Variants in PGM5 observed in about 807,000 individuals in gnomAD.
PGM5 encodes phosphoglucomutase 5.
Under a neutral mutation model 59.2 loss-of-function variants are expected in PGM5, and 23 were observed. The ratio of observed to expected loss-of-function variants is 0.39; its 90% CI spans 0.28 to 0.55. The LOEUF (loss-of-function observed/expected upper bound fraction) is 0.55, where lower values mean the gene tolerates loss of function less well. Ranked by LOEUF, PGM5 falls within the 20% of genes least tolerant of loss-of-function variation. PGM5 has a pLI of 0.66. For synonymous variants in PGM5, 214 were observed against 286.0 expected (o/e 0.75, Z 2.54); for missense variants, 574 against 748.3 (o/e 0.77, Z 2.72).
chr9:68,473,438 T>G (rs1356723637), intron 7 of PGM5, among the ~76,000 whole-genome samples: 1 of 152,190 alleles, frequency 6.6e-6, no homozygotes, highest in Non-Finnish European at 1.5e-5. Context: ...GTCCATAGGC[T>G]TTGGAGCCAA....
Position 68,498,921 on chromosome 9 carries a change from G to C in PGM5, c.1480-306G>C, listed in dbSNP as rs1363447014. ...ATTTATTGAATATCATTTCATCCCT[G>C]TGACTTCCACTTCTTTCTGATTCCC... On this transcript the variant is annotated intron_variant, in intron 9 of 10. Transcript: ENST00000396396. 6 of 320,390 alleles carry C rather than the reference G, an allele frequency of 1.9e-5. No homozygotes were observed. The Admixed American group carries it at 2.7e-4, about 14-fold the overall frequency. 19.8% of individuals were successfully genotyped at this position (320,390 alleles called of 1,614,324 possible).
intron 6 of PGM5, among the ~76,000 whole-genome samples, chr9:68,416,650 A>G (rs529762025): frequency 3.9e-5 from 6 of 152,374 alleles, no homozygotes; most frequent in African/African-American, 1.2e-4. Flanking sequence ...AATTTTCCCT[A>G]TATAAGCAGT....
intron 9 of PGM5, among the ~76,000 whole-genome samples, chr9:68,495,700 G>T (rs1340551502): frequency 1.3e-5 from 2 of 152,196 alleles, no homozygotes; most frequent in Admixed American, 1.3e-4. Context: ...TACAGGTTCA[G>T]GTGAACCTAT....
chr9:68,399,608 A>G (rs1554680359), intron 6 of PGM5, among the ~76,000 whole-genome samples: 1 of 150,508 alleles, frequency 6.6e-6, no homozygotes, highest in African/African-American at 2.4e-5. Context: ...TTCCTTTTCT[A>G]TTAATTGCCT....
chr9:68,361,343 G>T (rs1259505000), intron 1 of PGM5, among the ~76,000 whole-genome samples: 1 of 152,158 alleles, frequency 6.6e-6, no homozygotes, highest in Non-Finnish European at 1.5e-5. Flanking sequence ...CTAGTCAGTT[G>T]TCCTGCAGAA....
At position 68,384,446 on chromosome 9, in the gene PGM5, C is replaced by A; in HGVS notation, c.473C>A (p.Thr158Lys). 1 of 1,604,750 alleles carries A rather than the reference C, an allele frequency of 6.2e-7. No homozygotes were observed. The highest frequency in any genetic ancestry group is 8.5e-7 in the Non-Finnish European group (1 of 1,172,136). Residue 158 changes from threonine (T) to lysine (K), a missense_variant, in exon 3 of 11, where the codon ACG becomes AAG. By Grantham distance (78) the Thr-to-Lys change is moderately conservative. This residue lies in a region of PGM5 where 103 missense variants were observed against 112.4 expected (regional missense o/e 0.92). Transcript: ENST00000396396. The part of the protein sequence containing the change: ...VSDKIYQISK[T>K]IEEYAICPDL... ...GACAAAATCTACCAAATCAGCAAAA[C>A]GATTGAGGAATATGCTATATGTCCT...
intron 10 of PGM5, among the ~76,000 whole-genome samples, chr9:68,522,519 A>T (rs1346326469): frequency 6.6e-6 from 1 of 152,178 alleles, no homozygotes; most frequent in Non-Finnish European, 1.5e-5. Flanking sequence ...GTAGCGAGGA[A>T]GTTAATTTTG....
At chr9:68,389,366 C>A (rs1191652935) in intron 4 of PGM5, among the ~76,000 whole-genome samples, 1 of 152,044 alleles carries the variant, frequency 6.6e-6, no homozygotes, top group Non-Finnish European at 1.5e-5. Context: ...TTTCCATCAC[C>A]CCAAAGAGCT....
chr9:68,472,659 T>C (rs902238687), intron 7 of PGM5, among the ~76,000 whole-genome samples: 1 of 152,258 alleles, frequency 6.6e-6, no homozygotes, highest in South Asian at 2.1e-4. Flanking sequence ...CATTCATTTA[T>C]TCATTCAGTG....
chr9:68,500,739 G>A (rs1824559967), intron 10 of PGM5, among the ~76,000 whole-genome samples: 1 of 152,200 alleles, frequency 6.6e-6, no homozygotes, highest in East Asian at 1.9e-4. Flanking sequence ...CTACGTACGT[G>A]AGGAATGATA....
intron 10 of PGM5, among the ~76,000 whole-genome samples, chr9:68,516,325 CA>C (rs1217810833): frequency 6.6e-6 from 1 of 152,138 alleles, no homozygotes; most frequent in African/African-American, 2.4e-5. Flanking sequence ...CCTCAAGCCC[CA>C]CAATTCCAGA....
chr9:68,366,448 C>A (rs62551278), intron 1 of PGM5, among the ~76,000 whole-genome samples: 3,933 of 94,658 alleles, frequency 0.042, no homozygotes, highest in South Asian at 0.061. Context: ...TTGTGTGTAA[C>A]GTAATCCTGC....
chr9:68,446,598 G>C (rs112965071), intron 6 of PGM5, among the ~76,000 whole-genome samples: 2 of 152,228 alleles, frequency 1.3e-5, no homozygotes, highest in Admixed American at 6.5e-5. Flanking sequence ...ATGGGGAAAC[G>C]AAGGCTAGGA....
intron 10 of PGM5, among the ~76,000 whole-genome samples, chr9:68,504,573 T>C (rs1824626746): frequency 6.6e-6 from 1 of 152,198 alleles, no homozygotes; most frequent in Non-Finnish European, 1.5e-5. Flanking sequence ...CTTTTCCTTC[T>C]GACATCTGCA....
At chr9:68,452,802 G>A (rs976958411) in intron 6 of PGM5, among the ~76,000 whole-genome samples, 3 of 152,204 alleles carry the variant, frequency 2.0e-5, no homozygotes, top group African/African-American at 7.2e-5. Context: ...AGAGCTTAGT[G>A]CAAACTAGGA....
intron 6 of PGM5, among the ~76,000 whole-genome samples, chr9:68,413,342 T>C (rs11141852): frequency 0.38 from 57,096 of 150,406 alleles, 11,078 homozygotes; most frequent in East Asian, 0.64. Flanking sequence ...CCAGTGATGG[T>C]GACTCTCAAT....
chr9:68,525,620 T>C (rs1028521705), intron 10 of PGM5, among the ~76,000 whole-genome samples: 1 of 152,250 alleles, frequency 6.6e-6, no homozygotes, highest in African/African-American at 2.4e-5. Context: ...TCTAGGTTTG[T>C]GTAAGTACAC....
At chr9:68,387,132 A>G (rs1587784550) in intron 3 of PGM5, among the ~76,000 whole-genome samples, 1 of 151,612 alleles carries the variant, frequency 6.6e-6, no homozygotes, top group South Asian at 2.1e-4. Context: ...TGCTGTGTGC[A>G]TTTTTTTGGG....
chr9:68,422,680 A>C (rs1194115825), intron 6 of PGM5, among the ~76,000 whole-genome samples: 1 of 152,220 alleles, frequency 6.6e-6, no homozygotes, highest in African/African-American at 2.4e-5. Context: ...CACAACAATA[A>C]GAAAATAAGT....
Sources: gnomAD v4.1 joint callset for allele counts (sites outside exome capture counted in the v4.1 genomes callset) on GRCh38, gnomAD v4.1.1 for gene constraint, gnomAD v4.1.1 regional missense constraint, MANE v1.5 for transcripts, NCBI Gene and HGNC (gene_info 2026-07-23, HGNC 2026-07-21) for gene names.